Variants in SDK1 observed in about 807,000 individuals in gnomAD.
The protein encoded by SDK1 is sidekick cell adhesion molecule 1, also known as protein sidekick-1.
SDK1 carries 157 observed loss-of-function variants against 245.5 expected under a neutral mutation model. The observed-to-expected ratio is 0.64, with a 90% CI of 0.56 to 0.73. The LOEUF (loss-of-function observed/expected upper bound fraction) is 0.73, where lower values mean the gene tolerates loss of function less well. Among genes scored for constraint, SDK1 ranks in the 30% least tolerant of loss-of-function variants. The pLI, the probability that SDK1 is intolerant of heterozygous loss-of-function variation, is 0.00. For synonymous variants in SDK1, 1,647 were observed against 1,278.5 expected (o/e 1.29, Z -6.15); for missense variants, 3,583 against 3,002.3 (o/e 1.19, Z -4.52).
chr7:4,042,108 G>A (rs1007262941), intron 17 of SDK1, among the ~76,000 whole-genome samples: 2 of 136,344 alleles, frequency 1.5e-5, no homozygotes, highest in East Asian at 2.0e-4. Flanking sequence ...CACCGTGCCC[G>A]GCCAACAGTT....
chr7:3,969,115 G>A (rs1192789839), intron 10 of SDK1, 142 bp from the exon 11 acceptor site: 2 of 698,836 alleles, frequency 2.9e-6, no homozygotes, highest in African/African-American at 1.8e-5. Context: ...TTCCTCCCCC[G>A]ACGTGGGGAT....
intron 4 of SDK1, among the ~76,000 whole-genome samples, chr7:3,713,388 C>G (rs969461751): frequency 6.6e-6 from 1 of 152,130 alleles, no homozygotes; most frequent in Non-Finnish European, 1.5e-5. Context: ...GAACTTAAAA[C>G]TAAGTAAGGA....
intron 5 of SDK1, 27 bp downstream of exon 5, chr7:3,821,610 T>C (rs1779648032): frequency 6.2e-7 from 1 of 1,608,176 alleles, no homozygotes; most frequent in Non-Finnish European, 8.5e-7. Flanking sequence ...CAAATGGTAA[T>C]TCTGCAAGCA....
chr7:3,626,005 G>A (rs548638577), intron 2 of SDK1, among the ~76,000 whole-genome samples: 2 of 144,748 alleles, frequency 1.4e-5, no homozygotes, highest in African/African-American at 5.2e-5. Flanking sequence ...CTGTAGTAGT[G>A]TAATCATAGC....
chr7:3,857,100 C>T (rs1780566210), intron 5 of SDK1, among the ~76,000 whole-genome samples: 1 of 152,086 alleles, frequency 6.6e-6, no homozygotes, highest in Non-Finnish European at 1.5e-5. Context: ...AAAAATTACT[C>T]TTAGTCACCT....
intron 28 of SDK1, among the ~76,000 whole-genome samples, chr7:4,137,338 A>G (rs1408892121): frequency 2.0e-5 from 3 of 152,174 alleles, no homozygotes; most frequent in Non-Finnish European, 4.4e-5. Flanking sequence ...GAAGTCTCCA[A>G]ATTGCTCTGT....
chr7:3,631,674 A>G (rs1355974331), intron 2 of SDK1, among the ~76,000 whole-genome samples: 2 of 152,222 alleles, frequency 1.3e-5, no homozygotes, highest in Non-Finnish European at 2.9e-5. Context: ...CATAACAGAT[A>G]TGAATGTTTA....
chr7:3,994,779 T>C lies in SDK1; in HGVS notation c.2131+7457T>C, dbSNP rs573365187. 3.3e-5 allele frequency among the ~76,000 whole-genome samples: 5 copies of C among 152,360 alleles called. No individual in the cohort carries two copies. The South Asian group carries it at 8.3e-4, about 25-fold the overall frequency. Reference sequence around the variant, plus strand: ...TCAAATCCACTGCCCTGCCCTTCTTTGTTCCTGCCACCACTGACCCTAACT... The same window carrying C: ...TCAAATCCACTGCCCTGCCCTTCTTCGTTCCTGCCACCACTGACCCTAACT... On this transcript the variant is annotated intron_variant, in intron 14 of 44. Transcript: ENST00000404826.
Position 4,064,213 on chromosome 7 carries a change from G to C in SDK1, c.2912-3625G>C, listed in dbSNP as rs184010580. On this transcript the variant is annotated intron_variant, in intron 19 of 44. Coordinates refer to ENST00000404826, the MANE Select transcript of SDK1 (RefSeq NM_152744.4). ...GGGATTAATATCTAAAATATACAAA[G>C]AACTCAGCTCAACAGTTTAAAAAAT... Among the ~76,000 whole-genome samples the C allele has an allele frequency of 2.0e-4, 31 of 152,062 alleles. No homozygotes were observed. The East Asian group carries it at 5.6e-3, about 28-fold the overall frequency.
chr7:3,833,457 A>G (rs1372844048), intron 5 of SDK1, among the ~76,000 whole-genome samples: 8 of 152,218 alleles, frequency 5.3e-5, no homozygotes, highest in Admixed American at 1.3e-4. Context: ...TTTCAGCACA[A>G]GTGTACTCCA....
chr7:3,453,805 G>A (rs1308988602), intron 1 of SDK1, among the ~76,000 whole-genome samples: 1 of 151,948 alleles, frequency 6.6e-6, no homozygotes, highest in Non-Finnish European at 1.5e-5. Flanking sequence ...GGTCTCAAGC[G>A]ATCCTCCTGG....
chr7:3,380,153 T>G (rs1168715363), intron 1 of SDK1, among the ~76,000 whole-genome samples: 1 of 152,184 alleles, frequency 6.6e-6, no homozygotes, highest in African/African-American at 2.4e-5. Flanking sequence ...GAAAAAAAGT[T>G]CCTAAAATGA....
chr7:3,352,109 TATA>T (rs1780674821), intron 1 of SDK1, among the ~76,000 whole-genome samples: 1 of 149,620 alleles, frequency 6.7e-6, no homozygotes, highest in Non-Finnish European at 1.5e-5. Context: ...GTATATTTCT[TATA>T]ATGTATAATA....
Position 3,716,421 on chromosome 7 carries a change from A to G in SDK1, c.713+74316A>G, listed in dbSNP as rs570299603. Among the ~76,000 whole-genome samples, 7 of 152,366 alleles carry G rather than the reference A, an allele frequency of 4.6e-5. No homozygotes were observed. In the South Asian group the frequency reaches 1.4e-3, roughly 32 times the overall value. On this transcript the variant is annotated intron_variant, in intron 4 of 44. Transcript: ENST00000404826. ...TTAGAACTCTGAAAAAAATCTGTCA[A>G]CCATGAATTCTGTATTTGGCAAAAA...
chr7:3,346,265 T>G (rs1780489609), intron 1 of SDK1, among the ~76,000 whole-genome samples: 1 of 152,058 alleles, frequency 6.6e-6, no homozygotes, highest in Non-Finnish European at 1.5e-5. Context: ...TGTCTGCAGC[T>G]CTGGGGCTGG....
chr7:3,569,452 TTGAGAAGTCTGG>T (rs1780038115), intron 1 of SDK1, among the ~76,000 whole-genome samples: 1 of 152,208 alleles, frequency 6.6e-6, no homozygotes, highest in African/African-American at 2.4e-5. Flanking sequence ...GATATTTCTC[TTGAGAAGTCTGG>T]AGGAGAGCAC....
intron 1 of SDK1, among the ~76,000 whole-genome samples, chr7:3,510,731 T>C (rs1782551728): frequency 1.3e-5 from 2 of 152,060 alleles, no homozygotes; most frequent in South Asian, 4.1e-4. Context: ...GAACAGATGA[T>C]AGATGTTTCT....
At chr7:3,705,459 T>TTA (rs1784857522) in intron 4 of SDK1, among the ~76,000 whole-genome samples, 2 of 132,874 alleles carry the variant, frequency 1.5e-5, no homozygotes, top group Non-Finnish European at 3.0e-5. Flanking sequence ...TTATTTTATT[T>TTA]TATTTTATTT....
chr7:3,919,960 G>C (rs540152933), intron 5 of SDK1, among the ~76,000 whole-genome samples: 1 of 152,184 alleles, frequency 6.6e-6, no homozygotes, highest in Admixed American at 6.5e-5. Flanking sequence ...GGTCACAGCA[G>C]AGGGGGCACC....
Sources: allele counts gnomAD v4.1 joint callset (sites outside exome capture counted in the v4.1 genomes callset), GRCh38; gene constraint gnomAD v4.1.1; transcripts MANE v1.5; gene names NCBI Gene and HGNC (gene_info 2026-07-23, HGNC 2026-07-21).